PGPEP1L: variants seen among roughly 807,000 people sequenced by gnomAD.
The protein encoded by PGPEP1L is pyroglutamyl-peptidase I like.
PGPEP1L carries 7 observed loss-of-function variants against 6.0 expected under a neutral mutation model. That is an observed-to-expected ratio of 1.17 (90% confidence interval 0.66 to 2.19). PGPEP1L has a LOEUF of 2.19. Ranked by LOEUF, PGPEP1L falls within the 30% of genes most tolerant of loss-of-function variation. The probability of loss-of-function intolerance (pLI) is 0.00; values close to 1 mark genes in which losing one functional copy is unlikely to be tolerated. For missense variants in PGPEP1L, 209 were observed against 192.5 expected, an observed-to-expected ratio of 1.09 and a Z score of -0.51; for synonymous variants, 103 against 83.9, an observed-to-expected ratio of 1.23 and a Z score of -1.24.
chr15:98,993,662 C>A (rs1303314365), intron 2 of PGPEP1L, among the ~76,000 whole-genome samples: 1 of 21,454 alleles, frequency 4.7e-5, no homozygotes, highest in Non-Finnish European at 9.0e-5. Context: ...CATCACACAC[C>A]GGGGCCTGTC....
intron 2 of PGPEP1L, among the ~76,000 whole-genome samples, chr15:98,974,162 C>G: frequency 6.6e-6 from 1 of 152,098 alleles, no homozygotes; most frequent in East Asian, 1.9e-4. Context: ...GGGCAGATCA[C>G]TTGAACCCAG....
chr15:98,996,698 C>T (rs183290499), intron 2 of PGPEP1L, among the ~76,000 whole-genome samples: 8 of 152,080 alleles, frequency 5.3e-5, no homozygotes, highest in East Asian at 1.9e-4. Flanking sequence ...TGTGTGCACG[C>T]GTGGGTACGT....
rs551440568 is a variant in PGPEP1L, at chr15:98,999,489, TAA to T, written c.-142+5938_-142+5939del. ...CACTCACACATTGCTGGTGGGAATA[TAA>T]AATGGTACTGTTGCTCCGGGAAATA... On this transcript the variant is annotated intron_variant, in intron 2 of 4. Transcript: ENST00000535714. 2.0e-3 allele frequency among the ~76,000 whole-genome samples: 298 copies of T among 152,322 alleles called. 1 individual carries two copies. The highest frequency in any genetic ancestry group is 6.9e-3 in the African/African-American group (285 of 41,586).
chr15:98,977,998 T>A (rs560091411), intron 2 of PGPEP1L, among the ~76,000 whole-genome samples: 1 of 152,292 alleles, frequency 6.6e-6, no homozygotes, highest in East Asian at 1.9e-4. Context: ...AGGTCAGGAA[T>A]AGTCTTACAA....
chr15:98,984,795 TC>T lies in PGPEP1L; in HGVS notation c.-141-13638del, dbSNP rs1181604056. Among the ~76,000 whole-genome samples, 15 of 151,944 alleles carry T rather than the reference TC, an allele frequency of 9.9e-5. 1 individual carries two copies. Among genetic ancestry groups the T allele is most frequent in the Admixed American group, 9.2e-4 (14 of 15,266 alleles). ...CTGCAGATTGATAGTGAAGAGAGCT[TC>T]TAAAGAGGTTGCAATGAACTCTGCC... is the stretch of plus-strand genomic sequence containing the variant. On this transcript the variant is annotated intron_variant, in intron 2 of 4. Transcript: ENST00000535714.
At chr15:99,002,730 T>C (rs1175814790) in intron 2 of PGPEP1L, among the ~76,000 whole-genome samples, 1 of 152,152 alleles carries the variant, frequency 6.6e-6, no homozygotes, top group East Asian at 1.9e-4. Context: ...TGGAGTCAGG[T>C]GCTCAATTAA....
intron 2 of PGPEP1L, among the ~76,000 whole-genome samples, chr15:98,995,907 G>A (rs903032975): frequency 2.0e-5 from 3 of 152,126 alleles, no homozygotes; most frequent in African/African-American, 7.2e-5. Context: ...GGACAATCAT[G>A]TAAGTAGAAT....
chr15:98,999,890 G>A (rs889569532), intron 2 of PGPEP1L, among the ~76,000 whole-genome samples: 1 of 152,276 alleles, frequency 6.6e-6, no homozygotes, highest in Admixed American at 6.5e-5. Flanking sequence ...CATGCTGGCA[G>A]TCCTTGCAGC....
intron 3 of PGPEP1L, among the ~76,000 whole-genome samples, chr15:98,970,820 C>G (rs1201471413): frequency 6.6e-6 from 1 of 152,188 alleles, no homozygotes; most frequent in Non-Finnish European, 1.5e-5. Flanking sequence ...CCTCCTTTCT[C>G]TCCAGATTTT....
At chr15:98,989,923 G>T (rs1444811518) in intron 2 of PGPEP1L, among the ~76,000 whole-genome samples, 1 of 152,100 alleles carries the variant, frequency 6.6e-6, no homozygotes, top group East Asian at 1.9e-4. Context: ...TTACAGACAA[G>T]CAAGTGCTGA....
chr15:98,973,829 GAAGGA>G (rs540516372), intron 2 of PGPEP1L, among the ~76,000 whole-genome samples: 4 of 152,040 alleles, frequency 2.6e-5, no homozygotes, highest in Non-Finnish European at 5.9e-5. Flanking sequence ...CACATTAGTA[GAAGGA>G]AAGAAATAAT....
chr15:99,003,429 C>CA (rs1442710762), intron 2 of PGPEP1L, among the ~76,000 whole-genome samples: 1 of 150,632 alleles, frequency 6.6e-6, no homozygotes, highest in Non-Finnish European at 1.5e-5. Context: ...GGTCAGCCCC[C>CA]AGTGCAACTT....
Position 98,974,325 on chromosome 15 carries a change from GCCAAGATCACAGCACTGCACTCC to G in PGPEP1L, c.-141-3190_-141-3168del, listed in dbSNP as rs2017538327. Among the ~76,000 whole-genome samples the G allele has an allele frequency of 2.0e-5, 3 of 152,102 alleles. No homozygotes were observed. In the South Asian group the frequency reaches 6.2e-4, roughly 32 times the overall value. ...GCCCAGAAGGTTGAGACTGCAGTAA[GCCAAGATCACAGCACTGCACTCC>G]AGCCTGGGTGACCGTGTGAGACCCT... On this transcript the variant is annotated intron_variant, in intron 2 of 4. Transcript: ENST00000535714.
In PGPEP1L at chr15:98,968,511, GTT is replaced by G; in HGVS notation, c.394_395del (p.Asn132LeufsTer18). Reference protein sequence around the residue: ...KPKHRAQFEENSTMVLPAKGN With the variant: ...KPKHRAQFEEXSTMVLPAKGN Reference sequence around the variant, plus strand: ...CTTTGGCTGGAAGGACCATGGTTGAGTTTTCTTCGAACTGGGCTCTGTGCTTG... The same window carrying G: ...CTTTGGCTGGAAGGACCATGGTTGAGTTCTTCGAACTGGGCTCTGTGCTTG... On this transcript the variant is annotated frameshift_variant, in exon 5 of 5. Transcript: ENST00000535714. LOFTEE classifies it low-confidence loss of function (END_TRUNC). 6.2e-7 allele frequency: 1 copy of G among 1,613,686 alleles called. No individual in the cohort carries two copies. Among genetic ancestry groups the G allele is most frequent in the Non-Finnish European group, 8.5e-7 (1 of 1,179,804 alleles).
intron 2 of PGPEP1L, chr15:98,998,069 T>G (rs566908613): frequency 6.6e-6 from 1 of 152,602 alleles, no homozygotes; most frequent in Non-Finnish European, 1.5e-5. Flanking sequence ...AAGAAACTCA[T>G]TGGGCGCTGA....
chr15:98,977,565 T>C (rs74032138), intron 2 of PGPEP1L, among the ~76,000 whole-genome samples: 2,960 of 152,370 alleles, frequency 0.019, 109 homozygotes, highest in African/African-American at 0.067. Flanking sequence ...ACCTGAATCC[T>C]TTTGAATTTA....
intron 2 of PGPEP1L, among the ~76,000 whole-genome samples, chr15:98,989,126 G>C (rs1182302894): frequency 6.6e-6 from 1 of 152,182 alleles, no homozygotes; most frequent in Non-Finnish European, 1.5e-5. Context: ...ACTGGATGGA[G>C]AATGAGTTTG....
intron 2 of PGPEP1L, among the ~76,000 whole-genome samples, chr15:98,973,690 G>A (rs1197842934): frequency 1.3e-5 from 2 of 152,004 alleles, no homozygotes; most frequent in East Asian, 1.9e-4. Context: ...CAAAACCTAT[G>A]GGATACAGCA....
chr15:98,982,059 CAT>C (rs1424768932), intron 2 of PGPEP1L, among the ~76,000 whole-genome samples: 1 of 152,238 alleles, frequency 6.6e-6, no homozygotes, highest in South Asian at 2.1e-4. Context: ...TAGAACTAAA[CAT>C]ATGACTCACT....
Sources: allele counts gnomAD v4.1 joint callset (sites outside exome capture counted in the v4.1 genomes callset), GRCh38; gene constraint gnomAD v4.1.1; transcripts MANE v1.5; gene names NCBI Gene and HGNC (gene_info 2026-07-23, HGNC 2026-07-21).